CSNK2A2IP: variants seen among roughly 807,000 people sequenced by gnomAD.
CSNK2A2IP encodes casein kinase 2 subunit alpha' interacting protein.
chr3:88,370,585 T>C, the CSNK2A2IP span, among the ~76,000 whole-genome samples: 1 of 127,136 alleles, frequency 7.9e-6, no homozygotes, highest in Admixed American at 7.8e-5. Context: ...TCTTTCTCTC[T>C]CTCTTTCTTT....
chr3:88,385,740 C>T, the CSNK2A2IP span, among the ~76,000 whole-genome samples: 1 of 152,126 alleles, frequency 6.6e-6, no homozygotes, highest in Admixed American at 6.5e-5. Context: ...GTGGCTTTAG[C>T]TGACTTACCT....
the CSNK2A2IP span, among the ~76,000 whole-genome samples, chr3:88,411,397 CTAT>C: frequency 1.3e-5 from 2 of 151,630 alleles, no homozygotes; most frequent in Non-Finnish European, 2.9e-5. Context: ...ATCTATCTAT[CTAT>C]CTATCCATCC....
chr3:88,420,464 G>C, the CSNK2A2IP span, among the ~76,000 whole-genome samples: 12 of 152,192 alleles, frequency 7.9e-5, no homozygotes, highest in African/African-American at 2.9e-4. Flanking sequence ...GATCTCTTGA[G>C]AAAGACTTTT....
At chr3:88,464,405 A>C in the CSNK2A2IP span, among the ~76,000 whole-genome samples, 1 of 151,692 alleles carries the variant, frequency 6.6e-6, no homozygotes, top group Non-Finnish European at 1.5e-5. Flanking sequence ...TGAAAAGAGA[A>C]GAGACCTGGT....
At chr3:88,351,708 A>G in the CSNK2A2IP span, among the ~76,000 whole-genome samples, 1 of 152,156 alleles carries the variant, frequency 6.6e-6, no homozygotes, top group Non-Finnish European at 1.5e-5. Flanking sequence ...CACTAAATGT[A>G]AGATAACTCC....
the CSNK2A2IP span, among the ~76,000 whole-genome samples, chr3:88,407,780 G>A: frequency 3.3e-5 from 5 of 152,152 alleles, no homozygotes; most frequent in African/African-American, 4.8e-5. Context: ...GTGGAGTGCA[G>A]TGGCGCGATC....
the CSNK2A2IP span, among the ~76,000 whole-genome samples, chr3:88,453,037 C>T: frequency 3.9e-5 from 6 of 152,014 alleles, no homozygotes; most frequent in South Asian, 2.1e-4. Context: ...AGCTGAATAC[C>T]TGAGCTTGAC....
At chr3:88,364,957 G>A in the CSNK2A2IP span, among the ~76,000 whole-genome samples, 1,459 of 152,090 alleles carry the variant, frequency 9.6e-3, 25 homozygotes, top group African/African-American at 0.032. Flanking sequence ...TTTTATTTTC[G>A]TAACAAATTT....
At chr3:88,420,351 C>T in the CSNK2A2IP span, among the ~76,000 whole-genome samples, 1 of 152,106 alleles carries the variant, frequency 6.6e-6, no homozygotes, top group Non-Finnish European at 1.5e-5. Flanking sequence ...CTAGTACTTG[C>T]CAGTAAGACT....
At chr3:88,347,254 AAT>A in the CSNK2A2IP span, among the ~76,000 whole-genome samples, 1 of 152,066 alleles carries the variant, frequency 6.6e-6, no homozygotes, top group South Asian at 2.1e-4. Flanking sequence ...AAGGATTTAG[AAT>A]ATTACATTAA....
At chr3:88,349,212 G>C in the CSNK2A2IP span, among the ~76,000 whole-genome samples, 1 of 151,966 alleles carries the variant, frequency 6.6e-6, no homozygotes, top group Non-Finnish European at 1.5e-5. Flanking sequence ...GGTGAGTGCT[G>C]AGATTTTAGT....
the CSNK2A2IP span, among the ~76,000 whole-genome samples, chr3:88,409,174 C>G: frequency 6.6e-6 from 1 of 151,998 alleles, no homozygotes; most frequent in Non-Finnish European, 1.5e-5. Context: ...CAATTTGATT[C>G]CAATTTTATT....
the CSNK2A2IP span, among the ~76,000 whole-genome samples, chr3:88,423,703 A>C: frequency 6.6e-6 from 1 of 152,166 alleles, no homozygotes; most frequent in Non-Finnish European, 1.5e-5. Context: ...CTCTCCTCCA[A>C]AGAAAATGAT....
At chr3:88,420,381 C>T in the CSNK2A2IP span, among the ~76,000 whole-genome samples, 1 of 152,190 alleles carries the variant, frequency 6.6e-6, no homozygotes, top group South Asian at 2.1e-4. Flanking sequence ...ATCTGTCTTC[C>T]CTATGTTAGT....
At chr3:88,423,751 T>C in the CSNK2A2IP span, among the ~76,000 whole-genome samples, 1 of 152,108 alleles carries the variant, frequency 6.6e-6, no homozygotes, top group Non-Finnish European at 1.5e-5. Context: ...GCAGTTTAGA[T>C]AGAAGGTGGA....
At chr3:88,444,211 A>G in the CSNK2A2IP span, among the ~76,000 whole-genome samples, 9 of 152,216 alleles carry the variant, frequency 5.9e-5, no homozygotes, top group East Asian at 1.4e-3. Context: ...TCTACAAAGA[A>G]CAACACTGGA....
chr3:88,425,637 T>C, the CSNK2A2IP span, among the ~76,000 whole-genome samples: 1 of 152,298 alleles, frequency 6.6e-6, no homozygotes, highest in Admixed American at 6.5e-5. Flanking sequence ...ATGATGAATG[T>C]TCTTTACTTT....
At chr3:88,446,012 C>G in the CSNK2A2IP span, among the ~76,000 whole-genome samples, 2 of 132,644 alleles carry the variant, frequency 1.5e-5, 1 homozygote, top group Admixed American at 1.6e-4. Context: ...TCCTTTCTTT[C>G]TTTTCTTTCT....
At chr3:88,400,736 A>T in the CSNK2A2IP span, among the ~76,000 whole-genome samples, 1 of 152,190 alleles carries the variant, frequency 6.6e-6, no homozygotes, top group Non-Finnish European at 1.5e-5. Flanking sequence ...ATACACGTTG[A>T]TTTTAGCCCA....
Sources: allele counts gnomAD v4.1 joint callset (sites outside exome capture counted in the v4.1 genomes callset), GRCh38; gene constraint gnomAD v4.1.1; transcripts MANE v1.5; gene names NCBI Gene and HGNC (gene_info 2026-07-23, HGNC 2026-07-21).